The following LOXHD1 variants were observed in gnomAD, a reference collection of about 807,000 sequenced individuals.
LOXHD1 encodes lipoxygenase homology domain-containing protein 1.
LOXHD1 carries 205 observed loss-of-function variants against 248.2 expected under a neutral mutation model. The observed-to-expected ratio is 0.83, with a 90% CI of 0.74 to 0.93. LOXHD1 has a LOEUF of 0.93. Ranked by LOEUF, LOXHD1 falls within the 40% of genes least tolerant of loss-of-function variation. LOXHD1 has a pLI of 0.00. For synonymous variants in LOXHD1, 1,113 were observed against 1,162.8 expected (o/e 0.96, Z 0.87); for missense variants, 2,930 against 2,971.6 (o/e 0.99, Z 0.33).
At chr18:46,564,272 C>G (rs2144044808) in intron 17 of LOXHD1, among the ~76,000 whole-genome samples, 1 of 152,254 alleles carries the variant, frequency 6.6e-6, no homozygotes, top group South Asian at 2.1e-4. Context: ...TGTAATTCCA[C>G]TGCTTTGTAA....
At chr18:46,600,326 C>T (rs1294777374) in intron 8 of LOXHD1, among the ~76,000 whole-genome samples, 5 of 152,122 alleles carry the variant, frequency 3.3e-5, no homozygotes, top group African/African-American at 9.7e-5. Flanking sequence ...TGGCCAGGAG[C>T]GATGGCTCAC....
chr18:46,613,675 G>A (rs1362769536), intron 5 of LOXHD1, among the ~76,000 whole-genome samples: 1 of 152,062 alleles, frequency 6.6e-6, no homozygotes, highest in Non-Finnish European at 1.5e-5. Flanking sequence ...AATTAAGCAT[G>A]ATATTTGTGC....
At chr18:46,548,433 A>G (rs557005512) in intron 21 of LOXHD1, among the ~76,000 whole-genome samples, 5 of 152,308 alleles carry the variant, frequency 3.3e-5, no homozygotes, top group South Asian at 2.1e-4. Flanking sequence ...ATCTCAGTCA[A>G]TGGGCTCAGA....
intron 4 of LOXHD1, among the ~76,000 whole-genome samples, chr18:46,620,609 C>T (rs945913669): frequency 3.3e-5 from 5 of 152,122 alleles, no homozygotes; most frequent in Non-Finnish European, 1.5e-5. Flanking sequence ...GAATGGATGC[C>T]CTTGGGTTGG....
At chr18:46,493,166 CT>C (rs1310372990) in intron 37 of LOXHD1, among the ~76,000 whole-genome samples, 1 of 152,198 alleles carries the variant, frequency 6.6e-6, no homozygotes, top group Admixed American at 6.5e-5. Context: ...GAAGCCCTCT[CT>C]TTTCTTAGAA....
chr18:46,558,917 C>T (rs1404578475), intron 20 of LOXHD1, among the ~76,000 whole-genome samples: 1 of 151,966 alleles, frequency 6.6e-6, no homozygotes, highest in African/African-American at 2.4e-5. Context: ...CTTATCCAAG[C>T]TTATCCACTG....
chr18:46,530,781 C>T (rs564156283), intron 28 of LOXHD1, among the ~76,000 whole-genome samples: 15 of 152,100 alleles, frequency 9.9e-5, no homozygotes, highest in Non-Finnish European at 1.9e-4. Flanking sequence ...AGCATTATTC[C>T]CTCCTGCTCT....
At chr18:46,493,925 C>T (rs957209271) in intron 37 of LOXHD1, among the ~76,000 whole-genome samples, 2 of 152,204 alleles carry the variant, frequency 1.3e-5, no homozygotes, top group Admixed American at 6.5e-5. Flanking sequence ...TAAGGAAGAG[C>T]CCTTTTACAA....
At chr18:46,650,420 G>T (rs2039094303) in intron 1 of LOXHD1, among the ~76,000 whole-genome samples, 1 of 152,162 alleles carries the variant, frequency 6.6e-6, no homozygotes, top group Non-Finnish European at 1.5e-5. Context: ...ATTAATACAA[G>T]TACTTAATAA....
At chr18:46,562,413 T>G (rs1166571615) in intron 18 of LOXHD1, among the ~76,000 whole-genome samples, 1 of 152,232 alleles carries the variant, frequency 6.6e-6, no homozygotes, top group Admixed American at 6.5e-5. Flanking sequence ...ACATTCATGT[T>G]TCTCCTAAGG....
intron 34 of LOXHD1, among the ~76,000 whole-genome samples, chr18:46,512,235 C>T (rs2035006866): frequency 1.3e-5 from 2 of 152,114 alleles, no homozygotes; most frequent in Non-Finnish European, 2.9e-5. Context: ...GAAGACTGGC[C>T]TTTAGAGATG....
chr18:46,628,909 T>A (rs1351512641), intron 4 of LOXHD1, among the ~76,000 whole-genome samples: 1 of 152,190 alleles, frequency 6.6e-6, no homozygotes, highest in East Asian at 1.9e-4. Context: ...CTAGCATAAG[T>A]GGCAGAATGG....
chr18:46,654,119 C>G (rs1404734241), intron 1 of LOXHD1, among the ~76,000 whole-genome samples: 1 of 152,200 alleles, frequency 6.6e-6, no homozygotes, highest in East Asian at 1.9e-4. Flanking sequence ...AGGGGCTTGT[C>G]CTTCTGCCTA....
chr18:46,531,858 C>T (rs537849550), intron 28 of LOXHD1, among the ~76,000 whole-genome samples: 5 of 152,256 alleles, frequency 3.3e-5, no homozygotes, highest in Admixed American at 6.5e-5. Flanking sequence ...GGAAGTTATC[C>T]CCAGATTTAA....
intron 25 of LOXHD1, among the ~76,000 whole-genome samples, chr18:46,540,568 G>A (rs552622446): frequency 2.0e-5 from 3 of 151,976 alleles, no homozygotes; most frequent in African/African-American, 7.2e-5. Flanking sequence ...GGAAGTTTCT[G>A]GGCAGGAACA....
intron 18 of LOXHD1, 124 bp downstream of exon 18, chr18:46,562,941 C>T (rs2037559941): frequency 5.9e-6 from 7 of 1,186,994 alleles, no homozygotes; most frequent in Non-Finnish European, 6.9e-6. Flanking sequence ...GCATTTTCCA[C>T]CCAACTGGAG....
chr18:46,591,927 A>G lies in LOXHD1; in HGVS notation c.1654+6T>C. ...CTCCCAGGATGGAGAGCCTGTCAGT[A>G]CTTACTGCCCATGATCCTGCGCACT... On this transcript the variant is annotated splice_donor_region_variant and intron_variant, in intron 12 of 40. Coordinates refer to ENST00000642948, the MANE Select transcript of LOXHD1 (RefSeq NM_001384474.1). The G allele has an allele frequency of 6.4e-7, 1 of 1,551,706 alleles. No individual in the cohort carries two copies. Among genetic ancestry groups the G allele is most frequent in the Non-Finnish European group, 8.7e-7 (1 of 1,146,944 alleles).
intron 1 of LOXHD1, among the ~76,000 whole-genome samples, chr18:46,649,875 C>T (rs2039086028): frequency 6.6e-6 from 1 of 152,116 alleles, no homozygotes; most frequent in Non-Finnish European, 1.5e-5. Flanking sequence ...ATAGCCCTAT[C>T]GACTTCCTGG....
intron 29 of LOXHD1, among the ~76,000 whole-genome samples, chr18:46,527,252 G>C (rs1328269090): frequency 6.6e-6 from 1 of 152,106 alleles, no homozygotes; most frequent in African/African-American, 2.4e-5. Flanking sequence ...CTTTGCCAGA[G>C]TCTGTAAATA....
Sources: gnomAD v4.1 joint callset for allele counts (sites outside exome capture counted in the v4.1 genomes callset) on GRCh38, gnomAD v4.1.1 for gene constraint, MANE v1.5 for transcripts, NCBI Gene and HGNC (gene_info 2026-07-23, HGNC 2026-07-21) for gene names.